Variants in CDH1 observed in about 807,000 individuals in gnomAD.
The protein encoded by CDH1 is cadherin-1.
In CDH1, 35 loss-of-function variants were observed where a neutral mutation model predicts 84.5. That is an observed-to-expected ratio of 0.41 (90% CI 0.32 to 0.55). CDH1 has a LOEUF of 0.55. CDH1 is among the 20% of genes least tolerant of loss of function. The pLI, the probability that CDH1 is intolerant of heterozygous loss-of-function variation, is 0.19. For synonymous variants in CDH1, 417 were observed against 439.0 expected, an observed-to-expected ratio of 0.95 and a Z score of 0.63; for missense variants, 994 against 1,126.6, an observed-to-expected ratio of 0.88 and a Z score of 1.68.
chr16:68,833,269 C>CT (rs757510491), intron 15 of CDH1, 21 bp from the exon 16 acceptor site: 1 of 1,607,910 alleles, frequency 6.2e-7, no homozygotes, highest in South Asian at 1.1e-5. Flanking sequence ...CTAAAAGATG[C>CT]TTTTGTCCCT....
chr16:68,823,282 G>A, intron 12 of CDH1, 117 bp from the exon 13 acceptor site: 2 of 750,092 alleles, frequency 2.7e-6, no homozygotes, highest in African/African-American at 1.7e-5. Context: ...AACCCAAGCA[G>A]CTCTGCTCTC....
rs193267869 is a variant in CDH1 at position 68,808,914 on chromosome 16, A to G, written c.687+66A>G. On this transcript the variant is annotated intron_variant, in intron 5 of 15. Coordinates refer to ENST00000261769, the MANE Select transcript of CDH1 (RefSeq NM_004360.5). ...CCACCCAGGATTTTTTGGTCAACCCATGCTGGATCCGCAGATCAGAGGCTC... is the reference window on the plus strand; with the variant it reads ...CCACCCAGGATTTTTTGGTCAACCCGTGCTGGATCCGCAGATCAGAGGCTC... The G allele has an allele frequency of 1.5e-3, 2,248 of 1,500,992 alleles. 10 individuals carry two copies. Among genetic ancestry groups the G allele is most frequent in the Non-Finnish European group, 1.2e-3 (1,270 of 1,085,280 alleles). The allele number at this position is 1,500,992 out of a possible 1,614,324, so 93.0% of individuals were successfully genotyped here. A position where few individuals can be genotyped will look rare whatever the true frequency, so the allele number is the denominator to read the frequency against.
At chr16:68,812,075 G>A (rs2152132381) in intron 7 of CDH1, 60 bp from the exon 8 acceptor site, 5 of 1,612,522 alleles carry the variant, frequency 3.1e-6, no homozygotes, top group Admixed American at 1.7e-5. Flanking sequence ...GTTGGGCTGG[G>A]CTAGGCCAAA....
chr16:68,827,278 TAATA>T (rs988209635), intron 13 of CDH1, among the ~76,000 whole-genome samples: 1 of 150,132 alleles, frequency 6.7e-6, no homozygotes, highest in Non-Finnish European at 1.5e-5. Flanking sequence ...CTCAAAATAA[TAATA>T]AATAAATAAA....
At chr16:68,794,168 G>A (rs1402602938) in intron 2 of CDH1, among the ~76,000 whole-genome samples, 5 of 152,012 alleles carry the variant, frequency 3.3e-5, no homozygotes, top group African/African-American at 7.2e-5. Context: ...GAGTAGCTGG[G>A]ACTACAGGCA....
intron 2 of CDH1, among the ~76,000 whole-genome samples, chr16:68,752,706 C>A (rs1446109087): frequency 2.0e-5 from 3 of 152,092 alleles, no homozygotes; most frequent in African/African-American, 7.2e-5. Flanking sequence ...GCTCTGCACA[C>A]CCCTGATGTA....
chr16:68,776,399 A>G (rs937902640), intron 2 of CDH1, among the ~76,000 whole-genome samples: 4 of 152,218 alleles, frequency 2.6e-5, no homozygotes, highest in African/African-American at 9.7e-5. Context: ...TAAAGTGCTG[A>G]GTGGCATGCC....
chr16:68,828,142 C>G (rs774906969), intron 13 of CDH1, 32 bp from the exon 14 acceptor site: 1 of 1,612,986 alleles, frequency 6.2e-7, no homozygotes, highest in Admixed American at 1.7e-5. Flanking sequence ...CTTTGGCTCT[C>G]AACACTTGCT....
At chr16:68,816,820 C>A (rs1278506730) in intron 10 of CDH1, among the ~76,000 whole-genome samples, 1 of 152,188 alleles carries the variant, frequency 6.6e-6, no homozygotes, top group Non-Finnish European at 1.5e-5. Flanking sequence ...AGAGATATTT[C>A]TACATGCTCC....
chr16:68,798,395 C>G (rs1183192856), intron 2 of CDH1, among the ~76,000 whole-genome samples: 1 of 152,138 alleles, frequency 6.6e-6, no homozygotes, highest in African/African-American at 2.4e-5. Context: ...CAGAGCCTTT[C>G]TGGAGCTGAA....
intron 2 of CDH1, among the ~76,000 whole-genome samples, chr16:68,746,508 G>A (rs1282763287): frequency 6.6e-6 from 1 of 152,226 alleles, no homozygotes; most frequent in Non-Finnish European, 1.5e-5. Flanking sequence ...GGGGCTAGAT[G>A]TTTGATGAGT....
chr16:68,823,670 TGGA>T, intron 13 of CDH1, 44 bp downstream of exon 13: 1 of 1,278,072 alleles, frequency 7.8e-7, no homozygotes, highest in Non-Finnish European at 1.1e-6. Context: ...CTTAAAAAAA[TGGA>T]GGAGGTTTAT....
chr16:68,737,664 C>A (rs1375291306), intron 1 of CDH1, among the ~76,000 whole-genome samples: 4 of 152,144 alleles, frequency 2.6e-5, no homozygotes, highest in Non-Finnish European at 5.9e-5. Context: ...GAGGGGCGAG[C>A]GCGGCTTTCC....
intron 2 of CDH1, among the ~76,000 whole-genome samples, chr16:68,745,549 A>ATATATATATATATATATGTATATATAT (rs1285099283): frequency 1.3e-5 from 1 of 75,182 alleles, no homozygotes; most frequent in African/African-American, 5.5e-5. Context: ...AAAAAAAAAA[A>ATATATATATATATATATGTATATATAT]ATATATATAT....
At chr16:68,781,652 T>G (rs1454940584) in intron 2 of CDH1, among the ~76,000 whole-genome samples, 1 of 152,150 alleles carries the variant, frequency 6.6e-6, no homozygotes, top group Non-Finnish European at 1.5e-5. Context: ...TTTTTAATTT[T>G]CTTTATTGAC....
chr16:68,765,057 C>T (rs538061376), intron 2 of CDH1: 1 of 152,194 alleles, frequency 6.6e-6, no homozygotes, highest in South Asian at 2.1e-4. Flanking sequence ...TGCGGAGAAG[C>T]CAGCATGAAA....
chr16:68,754,491 G>T (rs1326180515), intron 2 of CDH1, among the ~76,000 whole-genome samples: 1 of 152,216 alleles, frequency 6.6e-6, no homozygotes, highest in African/African-American at 2.4e-5. Context: ...CTTTCTGTAT[G>T]TTGAACTCTT....
In CDH1 at chr16:68,822,006, C is replaced by T. The variant is rs767636524; in HGVS notation, c.1717C>T (p.Pro573Ser). Reference protein sequence around the residue: ...ALIIATDNGSPVATGTGTLLL... With the variant: ...ALIIATDNGSSVATGTGTLLL... The stretch of plus-strand genomic sequence containing the variant: ...TTCTGTGTATTTTCTCTTAGGTTCT[C>T]CAGTTGCTACTGGAACAGGGACACT... The change falls in exon 12 of 16, where the codon CCA becomes TCA. Residue 573 changes from proline to serine, a missense_variant. By Grantham distance (74) the Pro-to-Ser change is moderately conservative. Transcript: ENST00000261769. 6.2e-7 allele frequency: 1 copy of T among 1,613,652 alleles called. No individual in the cohort carries two copies. Among genetic ancestry groups the T allele is most frequent in the Admixed American group, 1.7e-5 (1 of 60,014 alleles).
intron 8 of CDH1, among the ~76,000 whole-genome samples, chr16:68,812,504 A>G (rs1369215694): frequency 6.6e-6 from 1 of 152,212 alleles, no homozygotes; most frequent in Non-Finnish European, 1.5e-5. Context: ...TACTGATTTC[A>G]TAGTCTCATG....
Sources: gnomAD v4.1 joint callset for allele counts (sites outside exome capture counted in the v4.1 genomes callset) on GRCh38, gnomAD v4.1.1 for gene constraint, MANE v1.5 for transcripts, NCBI Gene and HGNC (gene_info 2026-07-23, HGNC 2026-07-21) for gene names.